The following KIAA0319L variants were observed in gnomAD, a reference collection of about 807,000 sequenced individuals.
The protein encoded by KIAA0319L is dyslexia-associated protein KIAA0319-like protein.
Under a neutral mutation model 120.1 loss-of-function variants are expected in KIAA0319L, and 55 were observed. The ratio of observed to expected loss-of-function variants is 0.46; its 90% CI spans 0.37 to 0.57. The LOEUF is 0.57. KIAA0319L is among the 20% of genes least tolerant of loss of function. KIAA0319L has a pLI of 0.00. For synonymous variants in KIAA0319L, 398 were observed against 471.9 expected (o/e 0.84, Z 2.03); for missense variants, 1,049 against 1,255.3 (o/e 0.84, Z 2.48).
intron 6 of KIAA0319L, among the ~76,000 whole-genome samples, chr1:35,467,915 C>G (rs1643375536): frequency 6.6e-6 from 1 of 152,130 alleles, no homozygotes; most frequent in African/African-American, 2.4e-5. Flanking sequence ...TCTTGAACTC[C>G]TGACCTCAGG....
chr1:35,487,045 A>G (rs1263144377), intron 3 of KIAA0319L, among the ~76,000 whole-genome samples: 1 of 152,100 alleles, frequency 6.6e-6, no homozygotes, highest in Non-Finnish European at 1.5e-5. Flanking sequence ...TTCCCTGCGT[A>G]TGGATCACCC....
At chr1:35,465,773 T>A (rs538699347) in intron 7 of KIAA0319L, among the ~76,000 whole-genome samples, 6 of 152,150 alleles carry the variant, frequency 3.9e-5, no homozygotes, top group Non-Finnish European at 5.9e-5. Context: ...GGGAGGAACC[T>A]GGTGGGAGGT....
intron 13 of KIAA0319L, 102 bp downstream of exon 13, chr1:35,451,526 C>T (rs1481188290): frequency 8.5e-7 from 1 of 1,171,746 alleles, no homozygotes; most frequent in East Asian, 2.4e-5. Flanking sequence ...TTACCCACCT[C>T]TTGCTATCTC....
At chr1:35,542,099 A>C (rs1398864605) in intron 2 of KIAA0319L, among the ~76,000 whole-genome samples, 1 of 152,072 alleles carries the variant, frequency 6.6e-6, no homozygotes, top group Non-Finnish European at 1.5e-5. Flanking sequence ...AGAGAACTCA[A>C]CCCTCCTGCC....
intron 7 of KIAA0319L, among the ~76,000 whole-genome samples, chr1:35,464,706 G>T (rs936316415): frequency 1.3e-5 from 2 of 152,200 alleles, no homozygotes; most frequent in Non-Finnish European, 1.5e-5. Context: ...ATGTGAGAGG[G>T]CTTCATAGCA....
intron 6 of KIAA0319L, among the ~76,000 whole-genome samples, chr1:35,467,355 T>C (rs1227807070): frequency 6.6e-6 from 1 of 151,120 alleles, no homozygotes; most frequent in East Asian, 1.9e-4. Flanking sequence ...ATAAACTTAA[T>C]ATAAAAAAAA....
chr1:35,515,528 A>G (rs1377743733), intron 2 of KIAA0319L, among the ~76,000 whole-genome samples: 3 of 152,180 alleles, frequency 2.0e-5, no homozygotes, highest in Admixed American at 2.0e-4. Context: ...ACAAAGATAC[A>G]ACATACCAGA....
intron 3 of KIAA0319L, among the ~76,000 whole-genome samples, chr1:35,486,810 C>G (rs549497136): frequency 7.4e-4 from 112 of 151,466 alleles, no homozygotes; most frequent in African/African-American, 2.6e-3. Flanking sequence ...ACATAGGAAG[C>G]TGGGTTGGCA....
intron 3 of KIAA0319L, among the ~76,000 whole-genome samples, chr1:35,481,171 A>C (rs1644147942): frequency 6.6e-6 from 1 of 152,216 alleles, no homozygotes; most frequent in Admixed American, 6.5e-5. Context: ...AGAAATACAC[A>C]AAAATTTGGT....
At chr1:35,531,625 G>C (rs1646373851) in intron 2 of KIAA0319L, among the ~76,000 whole-genome samples, 1 of 152,202 alleles carries the variant, frequency 6.6e-6, no homozygotes, top group Non-Finnish European at 1.5e-5. Context: ...CTCGTGGCTA[G>C]GATTACAGGA....
At chr1:35,529,549 T>G (rs1037325594) in intron 2 of KIAA0319L, among the ~76,000 whole-genome samples, 3 of 152,236 alleles carry the variant, frequency 2.0e-5, no homozygotes, top group Non-Finnish European at 4.4e-5. Context: ...CATTTCTCCT[T>G]TATTTATGAA....
At chr1:35,480,294 C>T (rs907176047) in intron 3 of KIAA0319L, among the ~76,000 whole-genome samples, 3 of 152,086 alleles carry the variant, frequency 2.0e-5, no homozygotes, top group African/African-American at 7.2e-5. Flanking sequence ...TTTTAAGAAA[C>T]TAAGTAATGG....
chr1:35,478,643 A>G (rs1207421346), intron 4 of KIAA0319L, among the ~76,000 whole-genome samples: 1 of 152,242 alleles, frequency 6.6e-6, no homozygotes, highest in Non-Finnish European at 1.5e-5. Context: ...TCAGAAGGTA[A>G]GCAAATACAC....
At chr1:35,450,921 G>A (rs1053693236) in intron 13 of KIAA0319L, among the ~76,000 whole-genome samples, 1 of 152,194 alleles carries the variant, frequency 6.6e-6, no homozygotes, top group Admixed American at 6.5e-5. Context: ...GTTATTCTCT[G>A]AATATCTTTT....
chr1:35,492,029 C>T (rs1016339181), intron 3 of KIAA0319L, among the ~76,000 whole-genome samples: 7 of 152,068 alleles, frequency 4.6e-5, no homozygotes, highest in Middle Eastern at 3.4e-3. Flanking sequence ...AAAGAAAATT[C>T]GAAGTACAGA....
chr1:35,438,597 T>C (rs747993483), intron 20 of KIAA0319L: 1 of 145,398 alleles, frequency 6.9e-6, no homozygotes, highest in Non-Finnish European at 1.5e-5. Context: ...CACTGAAACC[T>C]TCACACCCCC....
At chr1:35,540,356 G>C (rs1012237073) in intron 2 of KIAA0319L, among the ~76,000 whole-genome samples, 6 of 152,230 alleles carry the variant, frequency 3.9e-5, no homozygotes, top group African/African-American at 1.4e-4. Context: ...TTCATGCTAA[G>C]CATTGGAATG....
At chr1:35,513,103 C>T (rs931450207) in intron 2 of KIAA0319L, among the ~76,000 whole-genome samples, 1 of 150,908 alleles carries the variant, frequency 6.6e-6, no homozygotes, top group Admixed American at 6.6e-5. Context: ...AAAATATTTA[C>T]TATCTGGCCC....
At chr1:35,455,573 A>ATTTTT (rs551358599) in intron 10 of KIAA0319L, among the ~76,000 whole-genome samples, 72 of 93,440 alleles carry the variant, frequency 7.7e-4, no homozygotes, top group Non-Finnish European at 1.1e-3. Flanking sequence ...ATTTAAGATA[A>ATTTTT]TTTTTTTTTT....
Sources: allele counts gnomAD v4.1 joint callset (sites outside exome capture counted in the v4.1 genomes callset), GRCh38; gene constraint gnomAD v4.1.1; transcripts MANE v1.5; gene names NCBI Gene and HGNC (gene_info 2026-07-23, HGNC 2026-07-21).